The following NAPSA variants were observed in gnomAD, a reference collection of about 807,000 sequenced individuals.
The protein encoded by NAPSA is napsin-A.
A neutral mutation model predicts 36.7 loss-of-function variants in NAPSA; 37 were observed. That is an observed-to-expected ratio of 1.01 (90% confidence interval 0.78 to 1.33). The LOEUF is 1.33. Among genes scored for constraint, NAPSA ranks in the 40% most tolerant of loss-of-function variants. The pLI, the probability that NAPSA is intolerant of heterozygous loss-of-function variation, is 0.00. For synonymous variants in NAPSA, 222 were observed against 234.5 expected, an observed-to-expected ratio of 0.95 and a Z score of 0.49; for missense variants, 532 against 543.8, an observed-to-expected ratio of 0.98 and a Z score of 0.21.
chr19:50,368,203 G>A (rs1253863725), upstream of NAPSA, among the ~76,000 whole-genome samples: 2 of 151,392 alleles, frequency 1.3e-5, no homozygotes, highest in African/African-American at 2.4e-5. Context: ...GGCTAGGTGC[G>A]GTGGGGGTGC....
chr19:50,358,937 A>G, intron 8 of NAPSA, 74 bp downstream of exon 8: 2 of 1,411,386 alleles, frequency 1.4e-6, no homozygotes, highest in Non-Finnish European at 2.0e-6. Context: ...TTCCCTTCCT[A>G]GTGACGTCTC....
chr19:50,361,870 TAAAAG>T (rs2037479054), intron 3 of NAPSA, 89 bp from the exon 4 acceptor site: 1 of 1,602,540 alleles, frequency 6.2e-7, no homozygotes, highest in Non-Finnish European at 8.5e-7. Context: ...GAGGGCATGA[TAAAAG>T]AACAGTTCCT....
intron 5 of NAPSA, among the ~76,000 whole-genome samples, 156 bp downstream of exon 5, chr19:50,360,785 C>A (rs778584367): frequency 6.6e-6 from 1 of 152,082 alleles, no homozygotes; most frequent in Non-Finnish European, 1.5e-5. Flanking sequence ...ATGGAGGATG[C>A]AACTTCTTGT....
In NAPSA at chr19:50,361,776, G is replaced by A. The variant is rs2037476982; in HGVS notation, c.355C>T (p.His119Tyr). 1.2e-6 allele frequency: 2 copies of A among 1,613,998 alleles called. No homozygotes were observed. Among genetic ancestry groups the A allele is most frequent in the Non-Finnish European group, 1.7e-6 (2 of 1,179,926 alleles). ...CHFFSVPCWL[H>Y]HRFDPKASSS... ...GAGGCTTTGGGATCAAATCGGTGGT[G>A]TAACCCTAGGTTAGAGGTCAGAAAG... Residue 119 changes from histidine to tyrosine, a missense_variant, in exon 4 of 9, where the codon CAC becomes TAC. His to Tyr is a moderately conservative substitution (Grantham distance 83). Transcript: ENST00000253719.
At chr19:50,359,330 T>C (rs2037440227) in intron 7 of NAPSA, 173 bp downstream of exon 7, 2 of 943,450 alleles carry the variant, frequency 2.1e-6, no homozygotes, top group South Asian at 3.2e-5. Flanking sequence ...TGTAGACACG[T>C]GGAAAGTGTC....
chr19:50,359,498 C>G lies in NAPSA; in HGVS notation c.936+5G>C, dbSNP rs768657741. 6.2e-7 allele frequency: 1 copy of G among 1,614,054 alleles called. No individual in the cohort carries two copies. On this transcript the variant is annotated splice_donor_5th_base_variant and intron_variant, in intron 7 of 8. Transcript: ENST00000253719. ...CAGCCCGTACCCACCAGACTGGGACCTCACCTCCCCAGCCAGCAAGGGGAT... is the reference window on the plus strand; with the variant it reads ...CAGCCCGTACCCACCAGACTGGGACGTCACCTCCCCAGCCAGCAAGGGGAT...
In NAPSA at chr19:50,361,749, T is replaced by C; in HGVS notation, c.382A>G (p.Ser128Gly). 6.2e-7 allele frequency: 1 copy of C among 1,614,162 alleles called. No homozygotes were observed. Among genetic ancestry groups the C allele is most frequent in the Non-Finnish European group, 8.5e-7 (1 of 1,180,022 alleles). The change falls in exon 4 of 9, where the codon AGC (serine) becomes GGC (glycine). Residue 128 changes from serine to glycine, a missense_variant. Around this residue, in one of 3 missense-constraint regions of NAPSA, gnomAD observed 45 missense variants for 78.7 expected, o/e 0.57. Coordinates refer to ENST00000253719, the MANE Select transcript of NAPSA (RefSeq NM_004851.3). Reference sequence around the variant, plus strand: ...TTGGTCCCATTGGCCTGGAAGGAGCTAGAGGCTTTGGGATCAAATCGGTGG... The same window carrying C: ...TTGGTCCCATTGGCCTGGAAGGAGCCAGAGGCTTTGGGATCAAATCGGTGG... ...LHHRFDPKAS[S>G]SFQANGTKFA...
In NAPSA at chr19:50,362,088, T is replaced by C. The variant is rs780633958; in HGVS notation, c.230A>G (p.Gln77Arg). Reference protein sequence around the residue: ...FVPLSNYRDVQYFGEIGLGTP... With the variant: ...FVPLSNYRDVRYFGEIGLGTP... ...TCCCAGCCCAATTTCCCCAAAATAC[T>C]GCACCTGATAGCAAAAGAGGAGAGT... Residue 77 changes from glutamine (Q) to arginine (R), a missense_variant, in exon 3 of 9, where the codon CAG becomes CGG. Physicochemically the swap from Gln to Arg is conservative, Grantham distance 43 (BLOSUM62 1). Around this residue, in one of 3 missense-constraint regions of NAPSA, gnomAD observed 102 missense variants for 93.6 expected, o/e 1.09. Coordinates refer to ENST00000253719, the MANE Select transcript of NAPSA (RefSeq NM_004851.3). The C allele has an allele frequency of 5.6e-6, 9 of 1,613,978 alleles. No homozygotes were observed. The South Asian group carries it at 9.9e-5, about 18-fold the overall frequency.
At chr19:50,358,856 C>G (rs1601122350) in intron 8 of NAPSA, 76 bp from the exon 9 acceptor site, 1 of 1,416,590 alleles carries the variant, frequency 7.1e-7, no homozygotes, top group South Asian at 1.3e-5. Flanking sequence ...GTCCATCCCC[C>G]CCACCCTCGG....
intron 1 of NAPSA, among the ~76,000 whole-genome samples, chr19:50,363,117 C>T (rs1370499637): frequency 6.6e-6 from 1 of 152,146 alleles, no homozygotes; most frequent in Non-Finnish European, 1.5e-5. Flanking sequence ...TATCTTCGTT[C>T]CTGCCTTTAG....
intron 1 of NAPSA, among the ~76,000 whole-genome samples, chr19:50,364,614 CAAAA>C (rs34476647): frequency 5.1e-5 from 2 of 39,028 alleles, no homozygotes; most frequent in Middle Eastern, 0.012. Context: ...GACTCAGTCT[CAAAA>C]AAAAAAAAAA....
chr19:50,367,319 C>T (rs2123624028), upstream of NAPSA, among the ~76,000 whole-genome samples: 1 of 152,304 alleles, frequency 6.6e-6, no homozygotes, highest in East Asian at 1.9e-4. Flanking sequence ...TTGTACCTGT[C>T]CTTTTTGGGG....
Position 50,359,504 on chromosome 19 carries a change from TC to T in NAPSA, c.934del (p.Glu312SerfsTer79). On this transcript the variant is annotated frameshift_variant and splice_region_variant, in exon 7 of 9. Transcript: ENST00000253719. LOFTEE classifies it high-confidence loss of function. ...AIGGIPLLAG[E>X]YIILCSEIPK... ...GTACCCACCAGACTGGGACCTCACC[TC>T]CCCAGCCAGCAAGGGGATTCCCCCA... 1 of 1,613,804 alleles carries T rather than the reference TC, an allele frequency of 6.2e-7. No individual in the cohort carries two copies. Among genetic ancestry groups the T allele is most frequent in the Non-Finnish European group, 8.5e-7 (1 of 1,179,966 alleles).
chr19:50,359,459 G>A, intron 7 of NAPSA, 44 bp downstream of exon 7: 1 of 1,611,542 alleles, frequency 6.2e-7, no homozygotes, highest in Non-Finnish European at 8.5e-7. Context: ...CTGTCAAACT[G>A]CCATCAGCCT....
chr19:50,362,375 AC>A, intron 1 of NAPSA, 62 bp from the exon 2 acceptor site: 1 of 1,473,220 alleles, frequency 6.8e-7, no homozygotes. Context: ...AAATAGACTT[AC>A]CCAAATAGGA....
intron 5 of NAPSA, 114 bp from the exon 6 acceptor site, chr19:50,359,976 C>T (rs551311595): frequency 2.2e-5 from 31 of 1,408,932 alleles, no homozygotes; most frequent in African/African-American, 1.0e-4. Context: ...GGAGTTCCTA[C>T]GGGGTAATGG....
intron 1 of NAPSA, 66 bp downstream of exon 1, chr19:50,365,473 T>C: frequency 2.6e-6 from 4 of 1,510,934 alleles, no homozygotes; most frequent in Non-Finnish European, 3.7e-6. Context: ...CTGGGAGTCC[T>C]AGACTTAAAG....
intron 4 of NAPSA, 53 bp downstream of exon 4, chr19:50,361,610 A>C: frequency 6.8e-7 from 1 of 1,469,120 alleles, no homozygotes; most frequent in Non-Finnish European, 9.5e-7. Flanking sequence ...AGATGATCTT[A>C]GACAATGGGG....
At chr19:50,359,215 A>G in intron 7 of NAPSA, 106 bp from the exon 8 acceptor site, 10 of 1,027,032 alleles carry the variant, frequency 9.7e-6, no homozygotes, top group Non-Finnish European at 1.3e-5. Context: ...GCACCTGGGT[A>G]CTCAGCGTCC....
Sources: allele counts gnomAD v4.1 joint callset (sites outside exome capture counted in the v4.1 genomes callset), GRCh38; gene constraint gnomAD v4.1.1; regional missense constraint gnomAD v4.1.1; transcripts MANE v1.5; gene names NCBI Gene and HGNC (gene_info 2026-07-23, HGNC 2026-07-21).